Variants in CELF2 observed in about 807,000 individuals in gnomAD.
CELF2 encodes the protein CUG triplet repeat RNA-binding protein 2.
Under a neutral mutation model 62.6 loss-of-function variants are expected in CELF2, and 8 were observed. The ratio of observed to expected loss-of-function variants is 0.13; its 90% CI spans 0.07 to 0.23. The LOEUF (loss-of-function observed/expected upper bound fraction) is 0.23. CELF2 is among the 10% of genes least tolerant of loss of function. CELF2 has a pLI of 1.00. For missense variants in CELF2, 333 were observed against 671.0 expected (o/e 0.50, Z 5.56); for synonymous variants, 258 against 250.0 (o/e 1.03, Z -0.30).
At chr10:11,079,350 C>T (rs963764516) in intron 1 of CELF2, among the ~76,000 whole-genome samples, 1 of 152,170 alleles carries the variant, frequency 6.6e-6, no homozygotes. Context: ...GTACAGCTGT[C>T]ACCTCAACAA....
chr10:10,490,420 C>T, the CELF2 span, among the ~76,000 whole-genome samples: 2 of 152,056 alleles, frequency 1.3e-5, no homozygotes, highest in Non-Finnish European at 1.5e-5. Flanking sequence ...CTTTTTTGGA[C>T]TTCATTCAGC....
chr10:10,701,639 G>A, the CELF2 span, among the ~76,000 whole-genome samples: 23 of 152,214 alleles, frequency 1.5e-4, 1 homozygote, highest in Admixed American at 1.2e-3. Context: ...TGTTGTTGTT[G>A]TTTTTCAAAT....
At chr10:10,671,029 C>T in the CELF2 span, among the ~76,000 whole-genome samples, 4 of 151,806 alleles carry the variant, frequency 2.6e-5, no homozygotes, top group East Asian at 1.9e-4. Context: ...TAGCCAGGCA[C>T]GGTGGCATGT....
At chr10:11,202,816 A>G (rs906657640) in intron 2 of CELF2, among the ~76,000 whole-genome samples, 2 of 151,570 alleles carry the variant, frequency 1.3e-5, no homozygotes, top group African/African-American at 2.4e-5. Flanking sequence ...CAGAGGCTTT[A>G]TCCTATAAAC....
chr10:10,765,719 C>T, the CELF2 span, among the ~76,000 whole-genome samples: 12 of 152,294 alleles, frequency 7.9e-5, no homozygotes, highest in East Asian at 9.6e-4. Flanking sequence ...TTCTAGAGTT[C>T]GCTCATGCTC....
the CELF2 span, among the ~76,000 whole-genome samples, chr10:10,662,968 A>AG: frequency 1.3e-5 from 2 of 152,192 alleles, no homozygotes; most frequent in Non-Finnish European, 2.9e-5. Context: ...ACTGTTCTGA[A>AG]GGGTCTTATT....
At chr10:10,478,842 A>G in the CELF2 span, among the ~76,000 whole-genome samples, 3 of 152,206 alleles carry the variant, frequency 2.0e-5, no homozygotes, top group African/African-American at 7.2e-5. Context: ...AATCACTGGA[A>G]GCAACAGAAT....
chr10:11,158,983 C>T (rs1400087051), intron 1 of CELF2, among the ~76,000 whole-genome samples: 2 of 152,120 alleles, frequency 1.3e-5, no homozygotes, highest in Non-Finnish European at 2.9e-5. Flanking sequence ...AAACCTGAAC[C>T]TTTTCTTCAG....
chr10:10,549,269 G>A, the CELF2 span, among the ~76,000 whole-genome samples: 5 of 152,190 alleles, frequency 3.3e-5, no homozygotes, highest in East Asian at 9.7e-4. Context: ...GGTGTCAGTA[G>A]GGTTGGTTTC....
At chr10:10,566,261 T>TCAGC in the CELF2 span, among the ~76,000 whole-genome samples, 1 of 151,914 alleles carries the variant, frequency 6.6e-6, no homozygotes, top group Non-Finnish European at 1.5e-5. Flanking sequence ...TCCAAGGACC[T>TCAGC]CAGCACTTTG....
At chr10:11,299,984 G>A (rs2093569218) in intron 9 of CELF2, among the ~76,000 whole-genome samples, 1 of 152,166 alleles carries the variant, frequency 6.6e-6, no homozygotes, top group South Asian at 2.1e-4. Context: ...AGATCCCTGT[G>A]TACTGCCTGT....
At chr10:11,203,434 C>T (rs902525249) in intron 2 of CELF2, among the ~76,000 whole-genome samples, 2 of 152,116 alleles carry the variant, frequency 1.3e-5, no homozygotes, top group African/African-American at 4.8e-5. Flanking sequence ...TAATCAGGTA[C>T]ACTTATTTAA....
the CELF2 span, among the ~76,000 whole-genome samples, chr10:10,526,374 G>A: frequency 6.0e-4 from 92 of 152,268 alleles, no homozygotes; most frequent in African/African-American, 2.1e-3. Flanking sequence ...AACATCACAA[G>A]GAATGTTACA....
the CELF2 span, among the ~76,000 whole-genome samples, chr10:10,629,274 C>T: frequency 1.3e-5 from 2 of 152,152 alleles, no homozygotes; most frequent in African/African-American, 4.8e-5. Flanking sequence ...CCGCCCTGAA[C>T]ACTCCTTGCT....
chr10:11,103,354 T>G (rs2052367480), intron 1 of CELF2, among the ~76,000 whole-genome samples: 2 of 152,104 alleles, frequency 1.3e-5, no homozygotes, highest in African/African-American at 4.8e-5. Context: ...TTGCTTTTTT[T>G]ATTCCCATAA....
chr10:11,014,093 G>GT (rs199516433), upstream of CELF2, among the ~76,000 whole-genome samples: 83 of 152,260 alleles, frequency 5.5e-4, no homozygotes, highest in East Asian at 0.014. Flanking sequence ...CGCTGGACGT[G>GT]TTTTTTTGTT....
At chr10:11,100,688 C>G (rs1007813440) in intron 1 of CELF2, among the ~76,000 whole-genome samples, 8 of 152,126 alleles carry the variant, frequency 5.3e-5, no homozygotes, top group Non-Finnish European at 8.8e-5. Context: ...AGGGTTTTTC[C>G]TATCCACAAA....
rs981830574 is a variant in CELF2, at chr10:11,028,261, C to T, written c.74+10098C>T. Among the ~76,000 whole-genome samples, 18 of 152,060 alleles carry T rather than the reference C, an allele frequency of 1.2e-4. 1 individual carries two copies. Among genetic ancestry groups the T allele is most frequent in the Non-Finnish European group, 5.9e-5 (4 of 68,008 alleles). ...GGGGGAAGCAAAGGCAGTATCTCCA[C>T]GTGGTCCTTCTGAAAAGCCCTTCTC... On this transcript the variant is annotated intron_variant, in intron 1 of 12. Coordinates refer to ENST00000633077, the MANE Select transcript of CELF2 (RefSeq NM_001326342.2).
At chr10:10,758,508 T>C in the CELF2 span, among the ~76,000 whole-genome samples, 1 of 152,254 alleles carries the variant, frequency 6.6e-6, no homozygotes, top group Non-Finnish European at 1.5e-5. Context: ...TGTATGATGC[T>C]GCTAGGCAAA....
Sources: allele counts gnomAD v4.1 joint callset (sites outside exome capture counted in the v4.1 genomes callset), GRCh38; gene constraint gnomAD v4.1.1; transcripts MANE v1.5; gene names NCBI Gene and HGNC (gene_info 2026-07-23, HGNC 2026-07-21).